Variants in KAT7 observed in about 807,000 individuals in gnomAD.
KAT7 encodes the protein lysine acetyltransferase 7, also known as histone acetyltransferase KAT7.
A neutral mutation model predicts 82.1 loss-of-function variants in KAT7; 10 were observed. The observed-to-expected ratio is 0.12, with a 90% CI of 0.08 to 0.21. The LOEUF is 0.21. Ranked by LOEUF, KAT7 falls within the 10% of genes least tolerant of loss-of-function variation. KAT7 has a pLI of 1.00. For missense variants in KAT7, 378 were observed against 760.9 expected (o/e 0.50, Z 5.92); for synonymous variants, 250 against 262.5 (o/e 0.95, Z 0.46).
chr17:49,794,406 C>A (rs2073928306), intron 2 of KAT7, among the ~76,000 whole-genome samples: 1 of 152,248 alleles, frequency 6.6e-6, no homozygotes, highest in Admixed American at 6.5e-5. Flanking sequence ...CTGCCCCAGC[C>A]TCCCAAGTAG....
At chr17:49,827,127 G>C (rs1212974248) in intron 14 of KAT7, 2 of 468,304 alleles carry the variant, frequency 4.3e-6, no homozygotes, top group African/African-American at 3.9e-5. Flanking sequence ...CACAAATGCT[G>C]TCTCAACTCA....
intron 12 of KAT7, 34 bp downstream of exon 12, chr17:49,823,329 G>A (rs1389001340): frequency 1.8e-6 from 2 of 1,111,572 alleles, no homozygotes; most frequent in Admixed American, 3.4e-5. Flanking sequence ...AGTTCCACAA[G>A]GCAGGGACCA....
chr17:49,794,623 A>G (rs2073931803), intron 2 of KAT7, among the ~76,000 whole-genome samples: 1 of 152,262 alleles, frequency 6.6e-6, no homozygotes. Flanking sequence ...ATAGGAATTT[A>G]CAAGTTGAAA....
At chr17:49,797,137 C>G (rs1331528884) in intron 3 of KAT7, among the ~76,000 whole-genome samples, 1 of 151,278 alleles carries the variant, frequency 6.6e-6, no homozygotes, top group Non-Finnish European at 1.5e-5. Context: ...AATCTTGGCT[C>G]ACTGCAAGCT....
rs920573196 is a variant in KAT7 at position 49,817,990 on chromosome 17, A to G, written c.1134A>G (p.Gln378=). Residue 378 remains glutamine (Q), a synonymous_variant, in exon 9 of 15, where the codon CAA becomes CAG. Coordinates refer to ENST00000259021, the MANE Select transcript of KAT7 (RefSeq NM_007067.5). ...CEFCLKYMKS[Q]TILRRHMAKC... is the part of the protein sequence containing the mutation. Reference sequence around the variant, plus strand: ...TCTGTTTAAAATATATGAAGAGCCAAACGATACTCCGCCGGCACATGGTGA... The same window carrying G: ...TCTGTTTAAAATATATGAAGAGCCAGACGATACTCCGCCGGCACATGGTGA... 6.2e-7 allele frequency: 1 copy of G among 1,613,700 alleles called. No individual in the cohort carries two copies. The highest frequency in any genetic ancestry group is 8.5e-7 in the Non-Finnish European group (1 of 1,179,738).
At chr17:49,796,644 G>C in intron 2 of KAT7, 106 bp from the exon 3 acceptor site, 1 of 811,994 alleles carries the variant, frequency 1.2e-6, no homozygotes, top group Non-Finnish European at 1.9e-6. Context: ...GTTGGATTTT[G>C]TGAAATATGA....
At chr17:49,795,526 G>T in intron 2 of KAT7, 1 of 240,858 alleles carries the variant, frequency 4.2e-6, no homozygotes, top group South Asian at 6.7e-5. Flanking sequence ...AGCTATCGAT[G>T]GGAAAAAGAA....
rs1454326870 is a variant in KAT7 at position 49,808,996 on chromosome 17, G to A, written c.664-123G>A. On this transcript the variant is annotated intron_variant, in intron 5 of 14. Coordinates refer to ENST00000259021, the MANE Select transcript of KAT7 (RefSeq NM_007067.5). ...TTTCTTGTAGAGATTGTGACAATAA[G>A]TGTGAAGACCCTTTGAAAGTAAAGT... The A allele has an allele frequency of 2.6e-5, 18 of 679,790 alleles. No homozygotes were observed. In the Admixed American group the frequency reaches 4.0e-4, roughly 15 times the overall value. 42.1% of individuals were successfully genotyped at this position (679,790 alleles called of 1,614,324 possible). A position where few individuals can be genotyped will look rare whatever the true frequency, so the allele number is the denominator to read the frequency against.
At chr17:49,824,078 A>G in intron 12 of KAT7, among the ~76,000 whole-genome samples, 1 of 152,220 alleles carries the variant, frequency 6.6e-6, no homozygotes, top group East Asian at 1.9e-4. Context: ...TGTATATTAA[A>G]TAAGGCATTT....
At chr17:49,798,708 AAGC>A in intron 4 of KAT7, 150 bp downstream of exon 4, 1 of 727,356 alleles carries the variant, frequency 1.4e-6, no homozygotes, top group Non-Finnish European at 2.2e-6. Context: ...ACTTGAATAA[AAGC>A]ATTTATCTTC....
At chr17:49,808,178 T>G in intron 5 of KAT7, among the ~76,000 whole-genome samples, 1 of 147,194 alleles carries the variant, frequency 6.8e-6, no homozygotes, top group Non-Finnish European at 1.5e-5. Context: ...CTGGAGTGCA[T>G]TGGTGCAATC....
chr17:49,793,904 A>G (rs2073921063), intron 2 of KAT7, among the ~76,000 whole-genome samples: 1 of 152,128 alleles, frequency 6.6e-6, no homozygotes, highest in Non-Finnish European at 1.5e-5. Flanking sequence ...ATGTTGCACA[A>G]TGAGAGAAAA....
chr17:49,812,234 CTT>C (rs35069050), intron 7 of KAT7, among the ~76,000 whole-genome samples: 11 of 119,104 alleles, frequency 9.2e-5, no homozygotes, highest in Non-Finnish European at 1.0e-4. Context: ...GCTTAAAAAT[CTT>C]TTTTTTTTTT....
rs368154563 is a variant in KAT7, at chr17:49,830,208, T to TAAAA, written c.*2710_*2713dup. ...TTTTTTTTTTTTTTTTTTTTTTTTT[T>TAAAA]AAAAAAAGACAGTCTCACTCTATCA... On this transcript the variant is annotated 3_prime_UTR_variant, in exon 15 of 15. Transcript: ENST00000259021. The TAAAA allele has an allele frequency of 8.3e-5, 7 of 84,158 alleles. No individual in the cohort carries two copies. Among genetic ancestry groups the TAAAA allele is most frequent in the African/African-American group, 4.1e-4 (7 of 17,166 alleles). 5.2% of individuals were successfully genotyped at this position (84,158 alleles called of 1,614,324 possible).
chr17:49,815,241 A>G (rs2074219729), intron 7 of KAT7: 1 of 152,236 alleles, frequency 6.6e-6, no homozygotes, highest in African/African-American at 2.4e-5. Context: ...CCTTTTGCAG[A>G]CAGCATAATG....
chr17:49,798,034 G>A (rs1398908789), intron 3 of KAT7, among the ~76,000 whole-genome samples: 3 of 152,180 alleles, frequency 2.0e-5, no homozygotes, highest in Non-Finnish European at 4.4e-5. Context: ...TTTTAAAAAC[G>A]TATTTCCATC....
Position 49,796,915 on chromosome 17 carries a change from T to C in KAT7, c.329T>C (p.Phe110Ser), listed in dbSNP as rs201468778. ...TCAGAAACTGAGCAAGTGGTTGATT[T>C]TTCAGATAGAGGTGAGTGGGTATGG... Reference protein sequence around the residue: ...SGSETEQVVDFSDRETKNTAD... With the variant: ...SGSETEQVVDSSDRETKNTAD... Residue 110 changes from phenylalanine to serine, a missense_variant, in exon 3 of 15, where the codon TTT (phenylalanine) becomes TCT (serine). This residue lies in a region of KAT7 where 161 missense variants were observed against 229.6 expected (regional missense o/e 0.70). Coordinates refer to ENST00000259021, the MANE Select transcript of KAT7 (RefSeq NM_007067.5). 6 of 1,614,124 alleles carry C rather than the reference T, an allele frequency of 3.7e-6. No individual in the cohort carries two copies. The African/African-American group carries it at 8.0e-5, about 22-fold the overall frequency.
At chr17:49,802,920 C>G (rs546164086) in intron 4 of KAT7, among the ~76,000 whole-genome samples, 29 of 151,800 alleles carry the variant, frequency 1.9e-4, no homozygotes, top group African/African-American at 7.0e-4. Flanking sequence ...GAAATGGAGT[C>G]TCACTATGTA....
intron 3 of KAT7, among the ~76,000 whole-genome samples, chr17:49,797,899 C>T (rs1277430098): frequency 1.3e-5 from 2 of 152,114 alleles, no homozygotes; most frequent in Non-Finnish European, 2.9e-5. Flanking sequence ...TACAAACAGG[C>T]TCACTCAAGA....
Sources: gnomAD v4.1 joint callset for allele counts (sites outside exome capture counted in the v4.1 genomes callset) on GRCh38, gnomAD v4.1.1 for gene constraint, gnomAD v4.1.1 regional missense constraint, MANE v1.5 for transcripts, NCBI Gene and HGNC (gene_info 2026-07-23, HGNC 2026-07-21) for gene names.